The following UGGT1 variants were observed in gnomAD, a reference collection of about 807,000 sequenced individuals.
UGGT1 encodes UDP-glucose:glycoprotein glucosyltransferase 1.
A neutral mutation model predicts 203.9 loss-of-function variants in UGGT1; 107 were observed. The observed-to-expected ratio is 0.52, with a 90% CI of 0.45 to 0.62. The LOEUF (loss-of-function observed/expected upper bound fraction) is 0.62, where lower values mean the gene tolerates loss of function less well. Ranked by LOEUF, UGGT1 falls within the 20% of genes least tolerant of loss-of-function variation. The pLI is 0.00. For synonymous variants in UGGT1, 628 were observed against 653.5 expected (o/e 0.96, Z 0.59); for missense variants, 1,673 against 1,867.2 (o/e 0.90, Z 1.92).
chr2:128,095,049 A>G (rs1265530676), intron 1 of UGGT1, among the ~76,000 whole-genome samples: 1 of 152,108 alleles, frequency 6.6e-6, no homozygotes. Context: ...GCGCTGGGCC[A>G]GTCCCAAGAG....
At chr2:128,111,919 C>A (rs182357640) in intron 5 of UGGT1, among the ~76,000 whole-genome samples, 2,736 of 152,002 alleles carry the variant, frequency 0.018, 43 homozygotes, top group Non-Finnish European at 0.03. Flanking sequence ...GTGGGTGGAT[C>A]GCTTGAGTCA....
intron 2 of UGGT1, chr2:128,103,211 A>T: frequency 2.3e-6 from 1 of 432,498 alleles, no homozygotes. Context: ...CATTAGTATT[A>T]TGGCTCAGAG....
At position 128,091,430 on chromosome 2, in the gene UGGT1, C is replaced by T. The variant is rs995646999; in HGVS notation, c.58+15C>T. The T allele has an allele frequency of 7.6e-6, 12 of 1,575,188 alleles. No individual in the cohort carries two copies. Among genetic ancestry groups the T allele is most frequent in the Middle Eastern group, 1.7e-4 (1 of 5,990 alleles). ...GCCGGTGACAGGTACCCAGGGGTGG[C>T]GTGAGGAGGCCTCGTGGACAAAGAG... is the stretch of plus-strand genomic sequence containing the variant. On this transcript the variant is annotated intron_variant, in intron 1 of 40. Transcript: ENST00000259253.
chr2:128,141,528 C>T (rs949840716), intron 16 of UGGT1, among the ~76,000 whole-genome samples: 2 of 151,996 alleles, frequency 1.3e-5, no homozygotes, highest in African/African-American at 4.8e-5. Context: ...TGGCATGAAC[C>T]TGGCAGGCAG....
chr2:128,170,162 CAT>C (rs1573611033), intron 26 of UGGT1, 124 bp from the exon 27 acceptor site: 2 of 712,672 alleles, frequency 2.8e-6, no homozygotes, highest in East Asian at 5.4e-5. Context: ...TGGCCACTGT[CAT>C]AGTCTAGTCT....
At chr2:128,184,758 T>G (rs747326811) in intron 38 of UGGT1, among the ~76,000 whole-genome samples, 1 of 151,754 alleles carries the variant, frequency 6.6e-6, no homozygotes, top group Non-Finnish European at 1.5e-5. Flanking sequence ...TTGCACTCAC[T>G]GCAACCTCCA....
chr2:128,155,836 T>G (rs995482431), intron 20 of UGGT1, among the ~76,000 whole-genome samples: 2 of 152,080 alleles, frequency 1.3e-5, no homozygotes, highest in African/African-American at 4.8e-5. Flanking sequence ...ACCTTTTGAC[T>G]AAAGTCAAAA....
intron 8 of UGGT1, among the ~76,000 whole-genome samples, chr2:128,119,861 G>C (rs1438386771): frequency 6.6e-6 from 1 of 150,626 alleles, no homozygotes; most frequent in Non-Finnish European, 1.5e-5. Context: ...TAAGAACAAA[G>C]GAAAACAAAC....
At position 128,115,034 on chromosome 2, in the gene UGGT1, A is replaced by C. The variant is rs1688034661; in HGVS notation, c.697-90A>C. On this transcript the variant is annotated intron_variant, in intron 6 of 40. Coordinates refer to ENST00000259253, the MANE Select transcript of UGGT1 (RefSeq NM_020120.4). ...GAGGGCATAATCCGAGGTAATGGCT[A>C]GTAGATGCAACATTAACATGGTCAT... is the stretch of plus-strand genomic sequence containing the variant. The C allele has an allele frequency of 7.4e-6, 8 of 1,084,848 alleles. No homozygotes were observed. The South Asian group carries it at 1.1e-4, about 15-fold the overall frequency. 67.2% of individuals were successfully genotyped at this position (1,084,848 alleles called of 1,614,324 possible).
intron 18 of UGGT1, among the ~76,000 whole-genome samples, chr2:128,150,668 C>CT (rs1205834782): frequency 0.014 from 1,883 of 136,656 alleles, 26 homozygotes; most frequent in African/African-American, 0.016. Context: ...TAATTAATAA[C>CT]TTTTTTTTTT....
chr2:128,136,056 G>C (rs759061628), intron 15 of UGGT1, among the ~76,000 whole-genome samples: 67 of 152,298 alleles, frequency 4.4e-4, no homozygotes, highest in Middle Eastern at 6.8e-3. Flanking sequence ...CGAGAAGAGG[G>C]CATGTGGTCT....
At position 128,182,126 on chromosome 2, in the gene UGGT1, C is replaced by G; in HGVS notation, c.4084-4C>G. 6.2e-7 allele frequency: 1 copy of G among 1,612,776 alleles called. No homozygotes were observed. The highest frequency in any genetic ancestry group is 8.5e-7 in the Non-Finnish European group (1 of 1,179,366). ...CTTAACAAATGACTTTTTATATTCT[C>G]CAGATTGTACGAACAGATCTGAAAG... On this transcript the variant is annotated splice_region_variant and splice_polypyrimidine_tract_variant and intron_variant, in intron 36 of 40. Coordinates refer to ENST00000259253, the MANE Select transcript of UGGT1 (RefSeq NM_020120.4).
At chr2:128,183,333 TG>T in intron 37 of UGGT1, among the ~76,000 whole-genome samples, 1 of 151,476 alleles carries the variant, frequency 6.6e-6, no homozygotes, top group Non-Finnish European at 1.5e-5. Context: ...TTCCCCCCCC[TG>T]TAACATTGAA....
chr2:128,134,967 A>C lies in UGGT1; in HGVS notation c.1583+6A>C. 6.2e-7 allele frequency: 1 copy of C among 1,607,608 alleles called. No homozygotes were observed. The highest frequency in any genetic ancestry group is 1.1e-5 in the South Asian group (1 of 90,934). On this transcript the variant is annotated splice_donor_region_variant and intron_variant, in intron 15 of 40. Transcript: ENST00000259253. ...AGTAATCATATACCACTAAGGTAAC[A>C]CTGGTATTGATTTGATGATGTATCT...
At chr2:128,118,413 G>A (rs529152705) in intron 8 of UGGT1, among the ~76,000 whole-genome samples, 2 of 152,208 alleles carry the variant, frequency 1.3e-5, no homozygotes, top group East Asian at 3.9e-4. Flanking sequence ...CTACAGTTGT[G>A]TGCCACCATG....
intron 11 of UGGT1, among the ~76,000 whole-genome samples, chr2:128,124,236 G>A (rs1049679598): frequency 1.3e-5 from 2 of 152,102 alleles, no homozygotes; most frequent in Non-Finnish European, 2.9e-5. Flanking sequence ...ATGAGCCACC[G>A]CGCCCAGCCA....
In UGGT1 at chr2:128,169,247, TG is replaced by T. The variant is rs565905793; in HGVS notation, c.2922-1040del. Among the ~76,000 whole-genome samples the T allele has an allele frequency of 2.1e-3, 315 of 152,110 alleles. 1 individual carries two copies. Among genetic ancestry groups the T allele is most frequent in the African/African-American group, 7.3e-3 (301 of 41,492 alleles). ...TTAGCCCGGCATGGTGGCATGTGTC[TG>T]TAGTCCTAGCTACTTAGGAGGCTAA... is the stretch of plus-strand genomic sequence containing the variant. On this transcript the variant is annotated intron_variant, in intron 26 of 40. Transcript: ENST00000259253.
Position 128,174,758 on chromosome 2 carries a change from T to C in UGGT1, c.3454-15T>C. On this transcript the variant is annotated splice_polypyrimidine_tract_variant and intron_variant, in intron 30 of 40. Coordinates refer to ENST00000259253, the MANE Select transcript of UGGT1 (RefSeq NM_020120.4). ...GTTTTGAAGAGAGCTAACTGGACTT[T>C]TCTTCTTGTCCTAGGGCTACTTTCA... 1 of 1,603,926 alleles carries C rather than the reference T, an allele frequency of 6.2e-7. No homozygotes were observed. Among genetic ancestry groups the C allele is most frequent in the South Asian group, 1.1e-5 (1 of 89,000 alleles).
intron 12 of UGGT1, among the ~76,000 whole-genome samples, chr2:128,127,938 G>A (rs143906042): frequency 5.5e-4 from 83 of 152,188 alleles, no homozygotes; most frequent in Middle Eastern, 3.4e-3. Context: ...GCCATGCCTA[G>A]TAGTGTGTAT....
Sources: allele counts gnomAD v4.1 joint callset (sites outside exome capture counted in the v4.1 genomes callset), GRCh38; gene constraint gnomAD v4.1.1; transcripts MANE v1.5; gene names NCBI Gene and HGNC (gene_info 2026-07-23, HGNC 2026-07-21).